The following LRRIQ1 variants were observed in gnomAD, a reference collection of about 807,000 sequenced individuals.
LRRIQ1 encodes the protein leucine-rich repeat- and IQ domain-containing protein 1.
A neutral mutation model predicts 211.9 loss-of-function variants in LRRIQ1; 210 were observed. The observed-to-expected ratio is 0.99, with a 90% CI of 0.89 to 1.11. The LOEUF is 1.11. Among genes scored for constraint, LRRIQ1 ranks in the 50% most tolerant of loss-of-function variants. LRRIQ1 has a pLI of 0.00. For missense variants in LRRIQ1, 2,136 were observed against 1,939.5 expected (o/e 1.10, Z -1.90); for synonymous variants, 699 against 650.1 (o/e 1.08, Z -1.14).
intron 19 of LRRIQ1, among the ~76,000 whole-genome samples, chr12:85,139,333 T>G (rs1016167666): frequency 2.6e-5 from 4 of 151,496 alleles, no homozygotes; most frequent in African/African-American, 9.7e-5. Context: ...ATTTATTGTA[T>G]CTTAATGAGC....
At chr12:85,196,882 C>G (rs955631507) in intron 24 of LRRIQ1, among the ~76,000 whole-genome samples, 360 of 152,112 alleles carry the variant, frequency 2.4e-3, no homozygotes, top group African/African-American at 8.2e-3. Context: ...CCATCAGAGT[C>G]AACAGGCAAC....
At chr12:85,229,433 T>C in intron 24 of LRRIQ1, 84 bp from the exon 25 acceptor site, 1 of 1,096,680 alleles carries the variant, frequency 9.1e-7, no homozygotes, top group Non-Finnish European at 1.3e-6. Context: ...TTTCTTGTGA[T>C]AAAATGTTTA....
intron 24 of LRRIQ1, among the ~76,000 whole-genome samples, chr12:85,201,334 A>G (rs1352878459): frequency 6.7e-6 from 1 of 148,936 alleles, no homozygotes; most frequent in Non-Finnish European, 1.5e-5. Flanking sequence ...GTCTTTCCTC[A>G]TCAATTTTTT....
intron 19 of LRRIQ1, among the ~76,000 whole-genome samples, chr12:85,148,832 A>T (rs539958486): frequency 2.0e-5 from 3 of 151,800 alleles, no homozygotes; most frequent in South Asian, 4.1e-4. Flanking sequence ...ACATTTTAAT[A>T]ATTGTCATTC....
chr12:85,217,508 ATGTGTGTGTGTGTGTGTGTGTGTGTG>A (rs370971727), intron 24 of LRRIQ1, among the ~76,000 whole-genome samples: 1 of 64,272 alleles, frequency 1.6e-5, no homozygotes, highest in Non-Finnish European at 2.5e-5. Context: ...ATATATATAT[ATGTGTGTGTGTGTGTGTGTGTGTGTG>A]TGTGTGTGTG....
rs1028684810 is a variant in LRRIQ1 at position 85,170,054 on chromosome 12, A to G, written c.4822+9340A>G. Among the ~76,000 whole-genome samples, 40 of 152,106 alleles carry G rather than the reference A, an allele frequency of 2.6e-4. 1 individual carries two copies. Among genetic ancestry groups the G allele is most frequent in the Non-Finnish European group, 4.9e-4 (33 of 67,972 alleles). The stretch of plus-strand genomic sequence containing the variant: ...TCTGATTAGAGAATTTGGTCCAGTG[A>G]AGCATAAAACAAACTATAACTTTTA... On this transcript the variant is annotated intron_variant, in intron 24 of 26. Transcript: ENST00000393217.
intron 23 of LRRIQ1, among the ~76,000 whole-genome samples, chr12:85,159,191 T>A (rs1290644440): frequency 1.3e-5 from 2 of 152,136 alleles, no homozygotes; most frequent in African/African-American, 4.8e-5. Context: ...GATAATAGTA[T>A]GAGGAAAGTA....
At chr12:85,044,444 T>C (rs1033984338) in intron 3 of LRRIQ1, among the ~76,000 whole-genome samples, 1 of 152,062 alleles carries the variant, frequency 6.6e-6, no homozygotes, top group Non-Finnish European at 1.5e-5. Flanking sequence ...GGCATGATCC[T>C]TTTTGCCTGG....
chr12:85,078,224 CCTT>C (rs2136143693), intron 11 of LRRIQ1, among the ~76,000 whole-genome samples: 1 of 152,148 alleles, frequency 6.6e-6, no homozygotes, highest in Non-Finnish European at 1.5e-5. Context: ...GTTTTAAACT[CCTT>C]GTTTTATTAA....
intron 1 of LRRIQ1, among the ~76,000 whole-genome samples, chr12:85,250,924 A>ATTAATATTATATATAATATATT (rs1895913509): frequency 1.3e-5 from 1 of 79,690 alleles, no homozygotes; most frequent in Non-Finnish European, 2.0e-5. Flanking sequence ...TATTTTATAT[A>ATTAATATTATATATAATATATT]TTATATATTA....
chr12:85,228,745 C>T (rs1306338726), intron 24 of LRRIQ1, among the ~76,000 whole-genome samples: 1 of 152,178 alleles, frequency 6.6e-6, no homozygotes, highest in Non-Finnish European at 1.5e-5. Context: ...ATGCTTTATT[C>T]ATTTTCCAAA....
At chr12:85,225,276 A>C (rs1316934709) in intron 24 of LRRIQ1, among the ~76,000 whole-genome samples, 1 of 152,140 alleles carries the variant, frequency 6.6e-6, no homozygotes, top group Non-Finnish European at 1.5e-5. Flanking sequence ...CAGGGACTTG[A>C]GCATCCACCA....
chr12:85,102,812 C>T (rs768132631), intron 13 of LRRIQ1, among the ~76,000 whole-genome samples: 4 of 150,596 alleles, frequency 2.7e-5, no homozygotes, highest in African/African-American at 7.3e-5. Context: ...ATAAAAAACA[C>T]GAAAGCAATA....
chr12:85,148,858 A>C (rs1592885082), intron 19 of LRRIQ1, among the ~76,000 whole-genome samples: 2 of 151,874 alleles, frequency 1.3e-5, no homozygotes, highest in African/African-American at 2.4e-5. Context: ...GGTGTGAGAT[A>C]GTATCTCATT....
At chr12:85,073,603 C>T (rs1032117531) in intron 11 of LRRIQ1, among the ~76,000 whole-genome samples, 7 of 152,032 alleles carry the variant, frequency 4.6e-5, no homozygotes, top group Admixed American at 2.0e-4. Flanking sequence ...AGTGGATTTC[C>T]TGGCATAGGA....
intron 11 of LRRIQ1, among the ~76,000 whole-genome samples, chr12:85,092,370 C>A (rs1357368184): frequency 6.6e-6 from 1 of 152,020 alleles, no homozygotes. Flanking sequence ...CATTTCCATC[C>A]ACACCTCTTT....
rs762975844 is a variant in LRRIQ1 at position 85,056,209 on chromosome 12, A to G, written c.1416A>G (p.Gln472=). 1.3e-6 allele frequency: 2 copies of G among 1,572,488 alleles called. No individual in the cohort carries two copies. The highest frequency in any genetic ancestry group is 1.4e-5 in the African/African-American group (1 of 72,384). Residue 472 remains glutamine (Q), a synonymous_variant, in exon 8 of 27, where the codon CAA becomes CAG. Coordinates refer to ENST00000393217, the MANE Select transcript of LRRIQ1 (RefSeq NM_001079910.2). ...AGTTAAAAGAATCTATATCAAGCCA[A>G]ACAATTCTGGCAGATTTTAAAATGG... ...QVKLKESISS[Q]TILADFKMEE...
intron 19 of LRRIQ1, among the ~76,000 whole-genome samples, chr12:85,148,103 A>G (rs1238883852): frequency 2.0e-5 from 3 of 151,892 alleles, no homozygotes; most frequent in Non-Finnish European, 4.4e-5. Context: ...TCAAGTAGCT[A>G]GAAAGCTTTC....
chr12:85,092,324 T>C (rs935842063), intron 11 of LRRIQ1, among the ~76,000 whole-genome samples: 33 of 152,174 alleles, frequency 2.2e-4, no homozygotes, highest in Non-Finnish European at 3.4e-4. Context: ...AACACTTATT[T>C]TAGTCTGTGT....
Sources: allele counts gnomAD v4.1 joint callset (sites outside exome capture counted in the v4.1 genomes callset), GRCh38; gene constraint gnomAD v4.1.1; transcripts MANE v1.5; gene names NCBI Gene and HGNC (gene_info 2026-07-23, HGNC 2026-07-21).